The following PTPN3 variants were observed in gnomAD, a reference collection of about 807,000 sequenced individuals.
PTPN3 encodes the protein protein tyrosine phosphatase non-receptor type 3, also known as tyrosine-protein phosphatase non-receptor type 3.
A neutral mutation model predicts 132.7 loss-of-function variants in PTPN3; 96 were observed. That is an observed-to-expected ratio of 0.72 (90% confidence interval 0.61 to 0.86). The LOEUF (loss-of-function observed/expected upper bound fraction) is 0.86, where lower values mean the gene tolerates loss of function less well. PTPN3 is among the 40% of genes least tolerant of loss of function. PTPN3 has a pLI of 0.00. For missense variants in PTPN3, 1,125 were observed against 1,159.6 expected (o/e 0.97, Z 0.43); for synonymous variants, 398 against 429.0 (o/e 0.93, Z 0.89).
chr9:109,389,489 C>A, intron 21 of PTPN3, 110 bp from the exon 22 acceptor site: 1 of 1,155,252 alleles, frequency 8.7e-7, no homozygotes, highest in South Asian at 1.8e-5. Context: ...GAAAAATTAT[C>A]TCTTTATCAA....
chr9:109,437,034 A>T (rs1256249212), intron 8 of PTPN3, 64 bp from the exon 9 acceptor site: 2 of 1,602,180 alleles, frequency 1.2e-6, no homozygotes, highest in Non-Finnish European at 1.7e-6. Context: ...CTCCAATTTT[A>T]AAAAATCTAG....
At chr9:109,386,857 G>T (rs757324115) in intron 22 of PTPN3, among the ~76,000 whole-genome samples, 50 of 152,214 alleles carry the variant, frequency 3.3e-4, no homozygotes, top group Non-Finnish European at 6.5e-4. Context: ...GGATGGACAA[G>T]ACGGGGGCTG....
chr9:109,433,110 C>T lies in PTPN3; in HGVS notation c.727G>A (p.Val243Met), dbSNP rs1843779806. 1 of 1,614,132 alleles carries T rather than the reference C, an allele frequency of 6.2e-7. No homozygotes were observed. Among genetic ancestry groups the T allele is most frequent in the Non-Finnish European group, 8.5e-7 (1 of 1,180,012 alleles). The change falls in exon 10 of 26, where the codon GTG becomes ATG. Residue 243 changes from valine (V) to methionine (M), a missense_variant. Val to Met is a conservative substitution (Grantham distance 21, BLOSUM62 1). Coordinates refer to ENST00000374541, the MANE Select transcript of PTPN3 (RefSeq NM_002829.4). ...CTTGTGCAAATGTATTTTCGGTACA[C>T]AGCAACACCCGCGGAAGCAATTCCA... ...MIGIASAGVA[V>M]YRKYICTSFY...
chr9:109,513,155 T>A, the PTPN3 span, among the ~76,000 whole-genome samples: 2 of 152,180 alleles, frequency 1.3e-5, no homozygotes, highest in African/African-American at 2.4e-5. Context: ...ACTACAGGTA[T>A]GTGTACCACA....
At chr9:109,412,205 C>T (rs952384725) in intron 14 of PTPN3, among the ~76,000 whole-genome samples, 2 of 152,012 alleles carry the variant, frequency 1.3e-5, no homozygotes, top group African/African-American at 4.8e-5. Flanking sequence ...CTGCACCCCC[C>T]CAATCCATTT....
rs149189782 is a variant in PTPN3 at position 109,427,210 on chromosome 9, A to G, written c.829-88T>C. On this transcript the variant is annotated intron_variant, in intron 11 of 25. Transcript: ENST00000374541. ...TTAACCCACATTGGTGAAATGAGGT[A>G]AGATGCAACAGACAGCAGAAAACTG... is the stretch of plus-strand genomic sequence containing the variant. 429 of 1,404,858 alleles carry G rather than the reference A, an allele frequency of 3.1e-4. 1 individual carries two copies. The African/African-American group carries it at 5.3e-3, about 17-fold the overall frequency. 87.0% of individuals were successfully genotyped at this position (1,404,858 alleles called of 1,614,324 possible). A position where few individuals can be genotyped will look rare whatever the true frequency, so the allele number is the denominator to read the frequency against.
chr9:109,381,855 G>GT, intron 24 of PTPN3, 68 bp from the exon 25 acceptor site: 1 of 1,578,970 alleles, frequency 6.3e-7, no homozygotes, highest in Non-Finnish European at 8.7e-7. Flanking sequence ...CCAGCGAGCA[G>GT]TTCCCCGCTG....
At chr9:109,510,576 A>AAAT in the PTPN3 span, among the ~76,000 whole-genome samples, 113 of 47,240 alleles carry the variant, frequency 2.4e-3, no homozygotes, top group East Asian at 0.011. Context: ...AAAAAAAAAA[A>AAAT]ATATATATAT....
intron 2 of PTPN3, among the ~76,000 whole-genome samples, chr9:109,460,771 C>T (rs1588465228): frequency 6.6e-6 from 1 of 152,192 alleles, no homozygotes; most frequent in South Asian, 2.1e-4. Flanking sequence ...CAAAGCCCGA[C>T]TCAGCACATA....
intron 19 of PTPN3, among the ~76,000 whole-genome samples, chr9:109,401,339 C>T (rs1004119796): frequency 1.3e-5 from 2 of 152,206 alleles, no homozygotes; most frequent in African/African-American, 4.8e-5. Flanking sequence ...TAGGTCCCAT[C>T]CTGGTGCTGC....
At chr9:109,420,661 T>C in intron 13 of PTPN3, 61 bp from the exon 14 acceptor site, 1 of 1,510,630 alleles carries the variant, frequency 6.6e-7, no homozygotes, top group Non-Finnish European at 9.0e-7. Context: ...AAAATTTTAT[T>C]AGACACCAGT....
At chr9:109,419,420 G>T (rs904556259) in intron 14 of PTPN3, among the ~76,000 whole-genome samples, 1 of 152,132 alleles carries the variant, frequency 6.6e-6, no homozygotes, top group African/African-American at 2.4e-5. Context: ...TGTTAGGGGG[G>T]CCATTATCTT....
intron 12 of PTPN3, among the ~76,000 whole-genome samples, chr9:109,424,549 T>G (rs1843107263): frequency 6.6e-6 from 1 of 152,218 alleles, no homozygotes; most frequent in Non-Finnish European, 1.5e-5. Flanking sequence ...GGTTCTGCCT[T>G]TCGCTCCTGG....
intron 2 of PTPN3, among the ~76,000 whole-genome samples, chr9:109,460,211 C>T (rs1303303447): frequency 6.6e-6 from 1 of 152,182 alleles, no homozygotes; most frequent in Non-Finnish European, 1.5e-5. Flanking sequence ...TGGGATTCAC[C>T]TTGAGGCCTC....
At chr9:109,397,596 G>A (rs1429389788) in intron 19 of PTPN3, 2 of 152,232 alleles carry the variant, frequency 1.3e-5, no homozygotes, top group Non-Finnish European at 2.9e-5. Context: ...CAGAGGGCAA[G>A]AGAAACCATC....
At chr9:109,416,819 A>G (rs1842541301) in intron 14 of PTPN3, among the ~76,000 whole-genome samples, 1 of 152,162 alleles carries the variant, frequency 6.6e-6, no homozygotes. Flanking sequence ...CTAAGGAAAG[A>G]GGCAAACAGC....
intron 19 of PTPN3, among the ~76,000 whole-genome samples, chr9:109,396,100 A>G (rs978373743): frequency 2.0e-5 from 3 of 152,116 alleles, no homozygotes; most frequent in Admixed American, 6.5e-5. Context: ...GCACTCAAGC[A>G]AGCCACCCGT....
chr9:109,449,696 C>T (rs1049989002), intron 5 of PTPN3: 71 of 985,440 alleles, frequency 7.2e-5, no homozygotes, highest in South Asian at 3.8e-4. Context: ...CAGATTCAAA[C>T]GGGATAGACA....
intron 8 of PTPN3, among the ~76,000 whole-genome samples, chr9:109,437,741 A>G (rs1844162155): frequency 7.0e-6 from 1 of 143,462 alleles, no homozygotes; most frequent in Non-Finnish European, 1.6e-5. Flanking sequence ...CTGTCTGTTT[A>G]ACAAGACCTG....
Sources: gnomAD v4.1 joint callset for allele counts (sites outside exome capture counted in the v4.1 genomes callset) on GRCh38, gnomAD v4.1.1 for gene constraint, MANE v1.5 for transcripts, NCBI Gene and HGNC (gene_info 2026-07-23, HGNC 2026-07-21) for gene names.